The following YY1 variants were observed in gnomAD, a reference collection of about 807,000 sequenced individuals.
YY1 encodes the protein YY1 transcription factor.
YY1 carries 2 observed loss-of-function variants against 35.6 expected under a neutral mutation model. The observed-to-expected ratio is 0.06, with a 90% CI of 0.02 to 0.18. The LOEUF is 0.18. YY1 is among the 10% of genes least tolerant of loss of function. The pLI is 1.00. For missense variants in YY1, 322 were observed against 573.4 expected, an observed-to-expected ratio of 0.56 and a Z score of 4.48; for synonymous variants, 268 against 238.9, an observed-to-expected ratio of 1.12 and a Z score of -1.12.
intron 2 of YY1, chr14:100,265,438 T>A (rs1416875621): frequency 6.6e-6 from 1 of 152,078 alleles, no homozygotes; most frequent in East Asian, 1.9e-4. Context: ...TGGAAAAGAT[T>A]TAGAAACAGA....
rs763639575 is a variant in YY1, at chr14:100,239,538, C to T, written c.294C>T (p.His98=). Residue 98 remains histidine, a synonymous_variant, in exon 1 of 5, where the codon CAC becomes CAT. Transcript: ENST00000262238. ...PLVTDDPTQV[H]HHQEVILVQT... The stretch of plus-strand genomic sequence containing the variant: ...TCACCGACGACCCGACCCAGGTGCA[C>T]CACCACCAGGAGGTGATCCTGGTGC... 2.2e-5 allele frequency: 36 copies of T among 1,612,408 alleles called. No individual in the cohort carries two copies. The highest frequency in any genetic ancestry group is 3.1e-5 in the Non-Finnish European group (36 of 1,179,704).
chr14:100,271,360 G>A (rs1181559933), intron 2 of YY1, among the ~76,000 whole-genome samples: 2 of 152,136 alleles, frequency 1.3e-5, no homozygotes, highest in African/African-American at 2.4e-5. Context: ...TCAAGGTGGC[G>A]CAGTGGCACC....
chr14:100,250,911 G>T (rs767365674), intron 1 of YY1, among the ~76,000 whole-genome samples: 57 of 151,998 alleles, frequency 3.8e-4, no homozygotes, highest in African/African-American at 1.4e-3. Flanking sequence ...GGAGGCTGAC[G>T]TGGGAGAATC....
rs116582605 is a variant in YY1, at chr14:100,250,631, T to G, written c.679+10708T>G. Among the ~76,000 whole-genome samples, 801 of 152,256 alleles carry G rather than the reference T, an allele frequency of 5.3e-3. 8 individuals are homozygous for G. Among genetic ancestry groups the G allele is most frequent in the African/African-American group, 0.018 (754 of 41,546 alleles). On this transcript the variant is annotated intron_variant, in intron 1 of 4. Coordinates refer to ENST00000262238, the MANE Select transcript of YY1 (RefSeq NM_003403.5). The stretch of plus-strand genomic sequence containing the variant: ...AATGTTTCTTAGGAATGAATTCCTT[T>G]GTGTATGAAGGGGACCACTGAGTGG...
In YY1 at chr14:100,277,390, G is replaced by A. The variant is rs1306406842; in HGVS notation, c.1063-28G>A. ...CAGGGTCTGGTCAGAGTTGCTGAGT[G>A]GGTTGATCTCTGGTCTTTCCTTGAC... is the stretch of plus-strand genomic sequence containing the variant. On this transcript the variant is annotated intron_variant, in intron 4 of 4. Transcript: ENST00000262238. The surrounding 1 kb of genome is among the most constrained non-coding windows in gnomAD (Gnocchi z 5.6). 6.2e-7 allele frequency: 1 copy of A among 1,613,984 alleles called. No individual in the cohort carries two copies. Among genetic ancestry groups the A allele is most frequent in the Non-Finnish European group, 8.5e-7 (1 of 1,179,960 alleles).
At chr14:100,242,354 A>G (rs567096957) in intron 1 of YY1, among the ~76,000 whole-genome samples, 2 of 150,206 alleles carry the variant, frequency 1.3e-5, no homozygotes, top group East Asian at 2.0e-4. Context: ...CAAGTGTGCA[A>G]GTGGCTGTTT....
intron 2 of YY1, among the ~76,000 whole-genome samples, chr14:100,270,590 T>C (rs1891223478): frequency 6.6e-6 from 1 of 151,570 alleles, no homozygotes; most frequent in Non-Finnish European, 1.5e-5. Flanking sequence ...ACCACTTCAC[T>C]CCAGCCTGGG....
chr14:100,245,629 C>T (rs968414519), intron 1 of YY1, among the ~76,000 whole-genome samples: 1 of 151,474 alleles, frequency 6.6e-6, no homozygotes, highest in Non-Finnish European at 1.5e-5. Context: ...TTTTTTGAAA[C>T]GGAGTCTCGC....
At chr14:100,248,503 T>A (rs10142503) in intron 1 of YY1, among the ~76,000 whole-genome samples, 39,290 of 151,076 alleles carry the variant, frequency 0.26, 5,173 homozygotes, top group Middle Eastern at 0.37. Flanking sequence ...GAAAAAAAAA[T>A]TTTTTTGAGA....
chr14:100,240,012 C>G, intron 1 of YY1, 89 bp downstream of exon 1: 1 of 1,303,886 alleles, frequency 7.7e-7, no homozygotes, highest in Non-Finnish European at 1.0e-6. Flanking sequence ...CCGCCATCTT[C>G]TTCGCCAGGG....
intron 2 of YY1, among the ~76,000 whole-genome samples, chr14:100,272,744 G>A (rs1308953583): frequency 2.0e-5 from 3 of 151,680 alleles, no homozygotes; most frequent in Non-Finnish European, 4.4e-5. Context: ...TCTGAGGTCC[G>A]AGTGCACCCC....
chr14:100,262,888 T>C (rs1566777050), intron 2 of YY1, among the ~76,000 whole-genome samples: 1 of 152,128 alleles, frequency 6.6e-6, no homozygotes, highest in Non-Finnish European at 1.5e-5. Flanking sequence ...CACACTGCCT[T>C]ATGGCTTCTT....
chr14:100,244,348 C>CG (rs1890798736), intron 1 of YY1, among the ~76,000 whole-genome samples: 1 of 67,704 alleles, frequency 1.5e-5, no homozygotes, highest in Non-Finnish European at 2.5e-5. Context: ...TTTTTTGAGA[C>CG]AGGGGTCTCA....
chr14:100,239,772 C>T lies in YY1; in HGVS notation c.528C>T (p.Gly176=), dbSNP rs1259871564. Residue 176 remains glycine, a synonymous_variant, in exon 1 of 5, where the codon GGC becomes GGT. Coordinates refer to ENST00000262238, the MANE Select transcript of YY1 (RefSeq NM_003403.5). The part of the protein sequence containing the change: ...SSGGGRVKKG[G]GKKSGKKSYL... ...GAGGCGGCCGCGTCAAGAAGGGCGG[C>T]GGCAAGAAGAGCGGCAAGAAGAGTT... is the stretch of plus-strand genomic sequence containing the variant. 4 of 1,569,858 alleles carry T rather than the reference C, an allele frequency of 2.5e-6. No homozygotes were observed. The South Asian group carries it at 3.4e-5, about 13-fold the overall frequency.
chr14:100,257,909 C>T (rs137908788), intron 1 of YY1, among the ~76,000 whole-genome samples: 197 of 152,208 alleles, frequency 1.3e-3, no homozygotes, highest in Admixed American at 4.6e-3. Flanking sequence ...TAGGCCAAGG[C>T]GGATTGCTTC....
chr14:100,264,179 T>C (rs577114102), intron 2 of YY1: 1 of 151,800 alleles, frequency 6.6e-6, no homozygotes, highest in East Asian at 1.9e-4. Context: ...AGTTTTTGTT[T>C]GTTAGTTTTG....
intron 2 of YY1, among the ~76,000 whole-genome samples, chr14:100,268,078 A>G (rs1595330669): frequency 1.3e-5 from 2 of 152,214 alleles, no homozygotes; most frequent in African/African-American, 4.8e-5. Context: ...ATTACGGCCC[A>G]TAGAACTTGT....
intron 1 of YY1, among the ~76,000 whole-genome samples, chr14:100,245,837 C>G (rs1890824690): frequency 6.6e-6 from 1 of 151,952 alleles, no homozygotes; most frequent in Non-Finnish European, 1.5e-5. Context: ...AAACTCCTGA[C>G]TTCAGGTGAT....
intron 2 of YY1, 58 bp downstream of exon 2, chr14:100,262,524 CTA>C: frequency 1.9e-6 from 3 of 1,564,764 alleles, no homozygotes; most frequent in South Asian, 2.2e-5. Flanking sequence ...GTCTTGCCAG[CTA>C]TGTTTTCCTG....
Sources: gnomAD v4.1 joint callset for allele counts (sites outside exome capture counted in the v4.1 genomes callset) on GRCh38, gnomAD v4.1.1 for gene constraint, Gnocchi (gnomAD v3.1) non-coding constraint, MANE v1.5 for transcripts, NCBI Gene and HGNC (gene_info 2026-07-23, HGNC 2026-07-21) for gene names.